The following DLG2 variants were observed in gnomAD, a reference collection of about 807,000 sequenced individuals.
DLG2 encodes disks large homolog 2.
DLG2 carries 45 observed loss-of-function variants against 132.5 expected under a neutral mutation model. That is an observed-to-expected ratio of 0.34 (90% CI 0.27 to 0.44). The LOEUF (loss-of-function observed/expected upper bound fraction) is 0.44. Among genes scored for constraint, DLG2 ranks in the 20% least tolerant of loss-of-function variants. DLG2 has a pLI of 1.00. For missense variants in DLG2, 1,045 were observed against 1,196.9 expected (o/e 0.87, Z 1.87); for synonymous variants, 424 against 419.6 (o/e 1.01, Z -0.13).
intron 3 of DLG2, among the ~76,000 whole-genome samples, chr11:85,552,073 A>G (rs72953991): frequency 0.028 from 4,078 of 144,862 alleles, 148 homozygotes; most frequent in East Asian, 0.097. Context: ...AAAGGTTCCT[A>G]TTCATGAAAT....
chr11:83,514,846 A>T (rs929977688), intron 21 of DLG2, among the ~76,000 whole-genome samples: 16 of 152,204 alleles, frequency 1.1e-4, no homozygotes, highest in African/African-American at 3.9e-4. Context: ...TGATTTGCGT[A>T]TGTTGAACCA....
At chr11:83,883,773 TA>T (rs1289614358) in intron 15 of DLG2, among the ~76,000 whole-genome samples, 1 of 147,812 alleles carries the variant, frequency 6.8e-6, no homozygotes, top group Non-Finnish European at 1.5e-5. Flanking sequence ...CAGAAAGCAA[TA>T]AGGCACTTAG....
At chr11:83,531,287 T>C (rs957109719) in intron 21 of DLG2, among the ~76,000 whole-genome samples, 1 of 151,964 alleles carries the variant, frequency 6.6e-6, no homozygotes, top group Non-Finnish European at 1.5e-5. Context: ...AACCCAACTA[T>C]ATAAAGAACT....
chr11:85,093,875 A>C (rs2069265156), intron 6 of DLG2, among the ~76,000 whole-genome samples: 1 of 152,210 alleles, frequency 6.6e-6, no homozygotes. Flanking sequence ...TTGAAGCCTA[A>C]CACTAATTCC....
intron 6 of DLG2, among the ~76,000 whole-genome samples, chr11:84,834,111 A>G (rs1240002165): frequency 6.6e-6 from 1 of 151,674 alleles, no homozygotes; most frequent in Admixed American, 6.6e-5. Flanking sequence ...AACCCTTTAG[A>G]GAGGACAGTA....
chr11:85,560,542 C>T (rs986354474), intron 3 of DLG2, among the ~76,000 whole-genome samples: 3 of 151,654 alleles, frequency 2.0e-5, no homozygotes, highest in African/African-American at 7.3e-5. Flanking sequence ...CAAATTTATA[C>T]AAACAGAAAG....
chr11:84,949,285 G>C (rs1413251346), intron 6 of DLG2, among the ~76,000 whole-genome samples: 1 of 152,116 alleles, frequency 6.6e-6, no homozygotes, highest in African/African-American at 2.4e-5. Context: ...CAGGGTAATA[G>C]AATATCACAA....
intron 17 of DLG2, among the ~76,000 whole-genome samples, chr11:83,828,350 G>A (rs1159935807): frequency 6.6e-6 from 1 of 152,092 alleles, no homozygotes; most frequent in Non-Finnish European, 1.5e-5. Context: ...CCGAGATCAC[G>A]CCACTGTGCT....
At chr11:84,202,514 C>T (rs767233485) in intron 8 of DLG2, among the ~76,000 whole-genome samples, 9 of 152,010 alleles carry the variant, frequency 5.9e-5, no homozygotes, top group Non-Finnish European at 8.8e-5. Flanking sequence ...CTATAAAAAC[C>T]CTAGAAGAAA....
chr11:85,325,201 G>A (rs1195805597), intron 3 of DLG2, among the ~76,000 whole-genome samples: 5 of 149,772 alleles, frequency 3.3e-5, no homozygotes, highest in South Asian at 2.1e-4. Context: ...GGGGAGGGGC[G>A]CCCGCCATTG....
At chr11:84,028,000 G>A (rs1281915973) in intron 11 of DLG2, among the ~76,000 whole-genome samples, 3 of 151,458 alleles carry the variant, frequency 2.0e-5, no homozygotes, top group African/African-American at 7.3e-5. Flanking sequence ...ATTCCCAAGT[G>A]GAAAAGTATA....
chr11:84,537,965 A>G (rs866061532), intron 6 of DLG2, among the ~76,000 whole-genome samples: 1 of 152,264 alleles, frequency 6.6e-6, no homozygotes, highest in South Asian at 2.1e-4. Context: ...GACACAATCT[A>G]AAAGGACATC....
At chr11:85,145,622 C>T in intron 5 of DLG2, among the ~76,000 whole-genome samples, 1 of 152,022 alleles carries the variant, frequency 6.6e-6, no homozygotes, top group South Asian at 2.1e-4. Flanking sequence ...GATTCGAAAG[C>T]ATTTTTCATT....
intron 7 of DLG2, among the ~76,000 whole-genome samples, chr11:84,268,822 G>T (rs994035903): frequency 6.6e-6 from 1 of 152,074 alleles, no homozygotes; most frequent in African/African-American, 2.4e-5. Flanking sequence ...GTTGCTGACA[G>T]AATTGAGATA....
chr11:84,087,714 T>C (rs1031626833), intron 10 of DLG2, among the ~76,000 whole-genome samples: 1 of 151,932 alleles, frequency 6.6e-6, no homozygotes, highest in Admixed American at 6.6e-5. Flanking sequence ...GAAGTAAAGG[T>C]TGGATGGAGA....
intron 4 of DLG2, among the ~76,000 whole-genome samples, chr11:85,192,174 C>T (rs1471852579): frequency 6.6e-6 from 1 of 152,102 alleles, no homozygotes; most frequent in Non-Finnish European, 1.5e-5. Context: ...TTACTAGTAC[C>T]ATGACCTTGA....
In DLG2 at chr11:85,558,806, C is replaced by T. The variant is rs141052713; in HGVS notation, c.40+39851G>A. Among the ~76,000 whole-genome samples, 158 of 151,900 alleles carry T rather than the reference C, an allele frequency of 1.0e-3. 1 individual carries two copies. The highest frequency in any genetic ancestry group is 3.5e-3 in the African/African-American group (145 of 41,516). On this transcript the variant is annotated intron_variant, in intron 3 of 27. Transcript: ENST00000376104. ...AGACTACTGTGAGGAGGTAAGGAGT[C>T]GGGCAAAGGTTGAAAACTAACTACT...
intron 21 of DLG2, among the ~76,000 whole-genome samples, chr11:83,528,319 A>G (rs1592542056): frequency 6.6e-6 from 1 of 152,174 alleles, no homozygotes; most frequent in Non-Finnish European, 1.5e-5. Context: ...TCAAAATCCA[A>G]TAAGCTTCTA....
At chr11:84,370,915 A>T (rs893337699) in intron 7 of DLG2, among the ~76,000 whole-genome samples, 5 of 152,106 alleles carry the variant, frequency 3.3e-5, no homozygotes, top group Non-Finnish European at 5.9e-5. Flanking sequence ...TGGTGGGAGG[A>T]GGGCATCTAG....
Sources: gnomAD v4.1 joint callset for allele counts (sites outside exome capture counted in the v4.1 genomes callset) on GRCh38, gnomAD v4.1.1 for gene constraint, MANE v1.5 for transcripts, NCBI Gene and HGNC (gene_info 2026-07-23, HGNC 2026-07-21) for gene names.